ZBTB38: variants seen among roughly 807,000 people sequenced by gnomAD.
ZBTB38 encodes zinc finger and BTB domain containing 38.
A neutral mutation model predicts 76.8 loss-of-function variants in ZBTB38; 20 were observed. The observed-to-expected ratio is 0.26, with a 90% CI of 0.18 to 0.38. The LOEUF is 0.38. Ranked by LOEUF, ZBTB38 falls within the 10% of genes least tolerant of loss-of-function variation. The pLI is 1.00. For synonymous variants in ZBTB38, 504 were observed against 544.2 expected (o/e 0.93, Z 1.03); for missense variants, 1,082 against 1,482.3 (o/e 0.73, Z 4.43).
intron 5 of ZBTB38, among the ~76,000 whole-genome samples, chr3:141,412,713 A>G (rs1559944068): frequency 6.6e-6 from 1 of 151,972 alleles, no homozygotes; most frequent in Non-Finnish European, 1.5e-5. Flanking sequence ...TTCTGTTTCT[A>G]TTACCTTTCT....
At chr3:141,385,643 G>A (rs1308374463) in intron 3 of ZBTB38, among the ~76,000 whole-genome samples, 1 of 121,366 alleles carries the variant, frequency 8.2e-6, no homozygotes, top group Non-Finnish European at 1.6e-5. Flanking sequence ...TGCAATTCGA[G>A]CTTTGAGTGT....
chr3:141,408,933 C>T (rs544289064), intron 5 of ZBTB38, among the ~76,000 whole-genome samples: 1 of 152,182 alleles, frequency 6.6e-6, no homozygotes, highest in Non-Finnish European at 1.5e-5. Flanking sequence ...AGGTCTGTAC[C>T]TTATATGCAT....
intron 1 of ZBTB38, among the ~76,000 whole-genome samples, chr3:141,343,790 A>G (rs1490665348): frequency 1.3e-5 from 2 of 152,184 alleles, no homozygotes; most frequent in African/African-American, 4.8e-5. Flanking sequence ...CGAACATCAT[A>G]TCATCTTGAG....
At chr3:141,349,530 C>T (rs1392515386) in intron 1 of ZBTB38, among the ~76,000 whole-genome samples, 5 of 152,056 alleles carry the variant, frequency 3.3e-5, no homozygotes, top group Non-Finnish European at 5.9e-5. Context: ...GAATTAAAGA[C>T]AACTGAGGAT....
chr3:141,377,227 GC>G (rs762769631), intron 2 of ZBTB38, among the ~76,000 whole-genome samples: 4 of 152,178 alleles, frequency 2.6e-5, no homozygotes, highest in African/African-American at 7.2e-5. Context: ...CAAAGACTCA[GC>G]CCCCCCATCC....
chr3:141,376,400 T>A (rs77316854), intron 2 of ZBTB38, among the ~76,000 whole-genome samples: 3,336 of 152,294 alleles, frequency 0.022, 125 homozygotes, highest in East Asian at 0.17. Flanking sequence ...CAAGCTTCAC[T>A]GCCCCATGCA....
chr3:141,424,590 TAAAG>T (rs1364913131), intron 5 of ZBTB38, among the ~76,000 whole-genome samples: 1 of 152,150 alleles, frequency 6.6e-6, no homozygotes, highest in Non-Finnish European at 1.5e-5. Context: ...ACAATGCAGC[TAAAG>T]AAAGAAAATT....
intron 4 of ZBTB38, among the ~76,000 whole-genome samples, chr3:141,394,714 A>G (rs1949926845): frequency 6.6e-6 from 1 of 152,102 alleles, no homozygotes; most frequent in South Asian, 2.1e-4. Flanking sequence ...GATTGTTTGA[A>G]TCGCTTGGTC....
At chr3:141,375,828 G>T (rs1471905316) in intron 2 of ZBTB38, among the ~76,000 whole-genome samples, 2 of 152,202 alleles carry the variant, frequency 1.3e-5, no homozygotes, top group African/African-American at 4.8e-5. Flanking sequence ...AGTCAGGGGA[G>T]GTACCTGCCC....
At chr3:141,433,064 T>C (rs2077963643) in intron 5 of ZBTB38, among the ~76,000 whole-genome samples, 3 of 152,208 alleles carry the variant, frequency 2.0e-5, no homozygotes, top group African/African-American at 7.2e-5. Context: ...AGTCATTGCC[T>C]CAAACTTGGA....
intron 4 of ZBTB38, among the ~76,000 whole-genome samples, chr3:141,391,799 C>A (rs1246274093): frequency 1.3e-5 from 2 of 152,072 alleles, no homozygotes; most frequent in Admixed American, 6.5e-5. Flanking sequence ...TCTCATCTGG[C>A]CAGTAGATTG....
intron 1 of ZBTB38, among the ~76,000 whole-genome samples, chr3:141,335,192 C>A (rs1942981300): frequency 6.6e-6 from 1 of 152,186 alleles, no homozygotes; most frequent in Admixed American, 6.5e-5. Flanking sequence ...CCTTAGTGTC[C>A]CTCGTGCATA....
At chr3:141,435,751 C>A (rs1234104212) in intron 5 of ZBTB38, among the ~76,000 whole-genome samples, 1 of 150,130 alleles carries the variant, frequency 6.7e-6, no homozygotes, top group Non-Finnish European at 1.5e-5. Flanking sequence ...CAGAGTAAGA[C>A]TGCCTCAGAA....
intron 2 of ZBTB38, among the ~76,000 whole-genome samples, chr3:141,374,144 A>G (rs1178139813): frequency 6.6e-6 from 1 of 152,172 alleles, no homozygotes; most frequent in Non-Finnish European, 1.5e-5. Context: ...TTGATAAAAA[A>G]TAATCATCAT....
chr3:141,414,140 A>G (rs2073359841), intron 5 of ZBTB38, among the ~76,000 whole-genome samples: 1 of 152,276 alleles, frequency 6.6e-6, no homozygotes, highest in Admixed American at 6.5e-5. Flanking sequence ...ACTCACATAC[A>G]TACAGGAACA....
chr3:141,333,712 T>A (rs996827248), intron 1 of ZBTB38, among the ~76,000 whole-genome samples: 1 of 152,120 alleles, frequency 6.6e-6, no homozygotes, highest in African/African-American at 2.4e-5. Flanking sequence ...AGCACCCTCA[T>A]GGACCCAGAG....
chr3:141,338,003 T>C (rs1198367244), intron 1 of ZBTB38, among the ~76,000 whole-genome samples: 2 of 152,122 alleles, frequency 1.3e-5, no homozygotes, highest in African/African-American at 4.8e-5. Flanking sequence ...AATACATCAG[T>C]AAACAAGGTA....
chr3:141,385,468 C>T (rs1946843757), intron 3 of ZBTB38, among the ~76,000 whole-genome samples: 1 of 151,992 alleles, frequency 6.6e-6, no homozygotes, highest in South Asian at 2.1e-4. Context: ...TACCTGCCGG[C>T]AGGATCTGGA....
chr3:141,384,324 T>C (rs1340135722), intron 3 of ZBTB38, among the ~76,000 whole-genome samples: 1 of 152,254 alleles, frequency 6.6e-6, no homozygotes, highest in African/African-American at 2.4e-5. Context: ...ACTCATCTCC[T>C]GGGAGCCTAA....
Sources: gnomAD v4.1 joint callset for allele counts (sites outside exome capture counted in the v4.1 genomes callset) on GRCh38, gnomAD v4.1.1 for gene constraint, MANE v1.5 for transcripts, NCBI Gene and HGNC (gene_info 2026-07-23, HGNC 2026-07-21) for gene names.